ST6GALNAC5: variants seen among roughly 807,000 people sequenced by gnomAD.
The protein encoded by ST6GALNAC5 is alpha-N-acetylgalactosaminide alpha-2,6-sialyltransferase 5.
Under a neutral mutation model 33.6 loss-of-function variants are expected in ST6GALNAC5, and 27 were observed. That is an observed-to-expected ratio of 0.80 (90% CI 0.59 to 1.11). ST6GALNAC5 has a LOEUF of 1.11. Among genes scored for constraint, ST6GALNAC5 ranks in the 50% least tolerant of loss-of-function variants. The pLI is 0.00. For missense variants in ST6GALNAC5, 428 were observed against 454.0 expected (o/e 0.94, Z 0.52); for synonymous variants, 194 against 171.2 (o/e 1.13, Z -1.04).
At chr1:77,010,812 C>A (rs1650607536) in intron 2 of ST6GALNAC5, among the ~76,000 whole-genome samples, 1 of 152,204 alleles carries the variant, frequency 6.6e-6, no homozygotes, top group Non-Finnish European at 1.5e-5. Context: ...AATGGAATTT[C>A]TTAGACTATT....
At position 76,875,078 on chromosome 1, in the gene ST6GALNAC5, C is replaced by T. The variant is rs188808889; in HGVS notation, c.261+6336C>T. ...ACAAAATTAAGATATTTTCTTAGTA[C>T]AAGTGTATACATGCACAAACGTTTT... On this transcript the variant is annotated intron_variant, in intron 2 of 4. Coordinates refer to ENST00000477717, the MANE Select transcript of ST6GALNAC5 (RefSeq NM_030965.3). 4.1e-4 allele frequency among the ~76,000 whole-genome samples: 62 copies of T among 152,320 alleles called. 2 individuals carry two copies. Among genetic ancestry groups the T allele is most frequent in the Admixed American group, 3.0e-3 (46 of 15,292 alleles).
intron 2 of ST6GALNAC5, among the ~76,000 whole-genome samples, chr1:77,020,420 A>G (rs1384120979): frequency 6.6e-6 from 1 of 151,906 alleles, no homozygotes; most frequent in Non-Finnish European, 1.5e-5. Flanking sequence ...GAGTGTGGGG[A>G]TACAGGATCT....
intron 2 of ST6GALNAC5, among the ~76,000 whole-genome samples, chr1:76,976,742 C>G (rs1330779439): frequency 6.6e-6 from 1 of 151,900 alleles, no homozygotes; most frequent in Non-Finnish European, 1.5e-5. Flanking sequence ...TTTTTATAGT[C>G]CCCCCTGAGC....
chr1:76,943,652 T>C (rs770785890), intron 2 of ST6GALNAC5, among the ~76,000 whole-genome samples: 2 of 152,050 alleles, frequency 1.3e-5, no homozygotes, highest in Non-Finnish European at 2.9e-5. Flanking sequence ...CTTTGAAACA[T>C]TTCCAGAAAC....
intron 4 of ST6GALNAC5, among the ~76,000 whole-genome samples, chr1:77,055,637 A>G (rs556823090): frequency 6.6e-6 from 1 of 152,156 alleles, no homozygotes; most frequent in African/African-American, 2.4e-5. Context: ...CCTTCAGTTC[A>G]TTGTTTCAGA....
intron 2 of ST6GALNAC5, among the ~76,000 whole-genome samples, chr1:76,939,955 A>G (rs1487869046): frequency 1.3e-5 from 2 of 152,042 alleles, no homozygotes; most frequent in Non-Finnish European, 2.9e-5. Flanking sequence ...CGGAATAATC[A>G]TAGTACTTTC....
At chr1:76,966,167 C>G (rs1039671328) in intron 2 of ST6GALNAC5, among the ~76,000 whole-genome samples, 1 of 152,126 alleles carries the variant, frequency 6.6e-6, no homozygotes, top group Non-Finnish European at 1.5e-5. Flanking sequence ...ATGGGGATGG[C>G]ATTGAATCTA....
At chr1:77,020,400 GT>G (rs1651008986) in intron 2 of ST6GALNAC5, among the ~76,000 whole-genome samples, 1 of 152,060 alleles carries the variant, frequency 6.6e-6, no homozygotes, top group South Asian at 2.1e-4. Context: ...TTGTTTGTTT[GT>G]TTGTTGGGGA....
chr1:77,046,933 A>G (rs1166019932), intron 3 of ST6GALNAC5, among the ~76,000 whole-genome samples: 2 of 152,162 alleles, frequency 1.3e-5, no homozygotes, highest in Non-Finnish European at 2.9e-5. Flanking sequence ...CCCTTTGGCC[A>G]CTCAGGATCT....
At chr1:76,887,902 T>G (rs1320924578) in intron 2 of ST6GALNAC5, among the ~76,000 whole-genome samples, 1 of 152,190 alleles carries the variant, frequency 6.6e-6, no homozygotes, top group Non-Finnish European at 1.5e-5. Flanking sequence ...TCTTTTATCA[T>G]AATCTCAAAT....
chr1:76,896,671 G>A (rs1035874385), intron 2 of ST6GALNAC5, among the ~76,000 whole-genome samples: 1 of 152,180 alleles, frequency 6.6e-6, no homozygotes, highest in African/African-American at 2.4e-5. Context: ...TGAAGTCCGG[G>A]CCAGGAACAA....
chr1:77,019,601 T>C (rs1650977951), intron 2 of ST6GALNAC5, among the ~76,000 whole-genome samples: 1 of 152,248 alleles, frequency 6.6e-6, no homozygotes, highest in Non-Finnish European at 1.5e-5. Context: ...CTGGAGGAAC[T>C]TCTGCACAGA....
At chr1:77,057,754 G>C (rs955904897) in intron 4 of ST6GALNAC5, among the ~76,000 whole-genome samples, 1 of 152,150 alleles carries the variant, frequency 6.6e-6, no homozygotes, top group Admixed American at 6.5e-5. Flanking sequence ...TGCTTCTGTT[G>C]TTTCCTCAAA....
rs142396389 is a variant in ST6GALNAC5 at position 77,032,863 on chromosome 1, C to G, written c.262-11341C>G. 7.7e-3 allele frequency among the ~76,000 whole-genome samples: 1,172 copies of G among 152,258 alleles called. 16 individuals carry two copies. The highest frequency in any genetic ancestry group is 0.025 in the East Asian group (128 of 5,188). On this transcript the variant is annotated intron_variant, in intron 2 of 4. Transcript: ENST00000477717. ...ATTCTTTTGCATTTGACCATTAATTCTCAGTTATCTTCCAGATTTCGAGCC... is the reference window on the plus strand; with the variant it reads ...ATTCTTTTGCATTTGACCATTAATTGTCAGTTATCTTCCAGATTTCGAGCC...
At chr1:76,877,334 C>A (rs1653668339) in intron 2 of ST6GALNAC5, among the ~76,000 whole-genome samples, 1 of 152,186 alleles carries the variant, frequency 6.6e-6, no homozygotes, top group African/African-American at 2.4e-5. Flanking sequence ...GAGCAGCTTG[C>A]ACAGCAGCCT....
intron 2 of ST6GALNAC5, among the ~76,000 whole-genome samples, chr1:77,034,200 T>A (rs1478164108): frequency 6.6e-6 from 1 of 152,084 alleles, no homozygotes; most frequent in Non-Finnish European, 1.5e-5. Flanking sequence ...CTCTAGGGAA[T>A]GATACTTCCT....
At chr1:76,906,166 A>T (rs971885418) in intron 2 of ST6GALNAC5, among the ~76,000 whole-genome samples, 9 of 152,278 alleles carry the variant, frequency 5.9e-5, no homozygotes, top group East Asian at 3.9e-4. Context: ...AATGTTTTTT[A>T]AAAAAGCCTG....
chr1:76,976,629 T>G (rs1649024281), intron 2 of ST6GALNAC5, among the ~76,000 whole-genome samples: 1 of 152,208 alleles, frequency 6.6e-6, no homozygotes, highest in South Asian at 2.1e-4. Flanking sequence ...GGGTCACATT[T>G]GATAAATTAT....
chr1:76,967,655 G>C (rs1190218804), intron 2 of ST6GALNAC5, among the ~76,000 whole-genome samples: 4 of 151,984 alleles, frequency 2.6e-5, no homozygotes, highest in Non-Finnish European at 1.5e-5. Context: ...TTGCTTCACT[G>C]GTTCTTCTAA....
Sources: gnomAD v4.1 joint callset for allele counts (sites outside exome capture counted in the v4.1 genomes callset) on GRCh38, gnomAD v4.1.1 for gene constraint, MANE v1.5 for transcripts, NCBI Gene and HGNC (gene_info 2026-07-23, HGNC 2026-07-21) for gene names.